Variants in ZC3H12A observed in about 807,000 individuals in gnomAD.
The protein encoded by ZC3H12A is endoribonuclease ZC3H12A.
A neutral mutation model predicts 29.9 loss-of-function variants in ZC3H12A; 9 were observed. The observed-to-expected ratio is 0.30, with a 90% confidence interval of 0.18 to 0.53. The LOEUF is 0.53. Among genes scored for constraint, ZC3H12A ranks in the 20% least tolerant of loss-of-function variants. The pLI is 0.96. For synonymous variants in ZC3H12A, 323 were observed against 338.1 expected, an observed-to-expected ratio of 0.96 and a Z score of 0.49; for missense variants, 617 against 799.0, an observed-to-expected ratio of 0.77 and a Z score of 2.75.
chr1:37,479,102 T>C lies in ZC3H12A; in HGVS notation c.444-1188T>C. The C allele has an allele frequency of 1.0e-6, 1 of 985,386 alleles. No individual in the cohort carries two copies. The allele number at this position is 985,386 out of a possible 1,614,324, so 61.0% of individuals were successfully genotyped here. A position where few individuals can be genotyped will look rare whatever the true frequency, so the allele number is the denominator to read the frequency against. On this transcript the variant is annotated intron_variant, in intron 2 of 5. Transcript: ENST00000373087. The surrounding 1 kb of genome is among the most constrained non-coding windows in gnomAD (Gnocchi z 4.5). ...GTGGTTGGCCCTGGACTTGCCTCTT[T>C]TGCGTAACATTTATTCTGTTTTATT...
At position 37,483,283 on chromosome 1, in the gene ZC3H12A, T is replaced by C. The variant is rs370043404; in HGVS notation, c.1472T>C (p.Met491Thr). ...GCCTTCTCTGCCTTTGGCCGGGCCA[T>C]GGGTGCTGGCCACTTCAGTGTCCCT... ...TAAFSAFGRA[M>T]GAGHFSVPAD... The change falls in exon 6 of 6, where the codon ATG (methionine) becomes ACG (threonine). Residue 491 changes from methionine to threonine, a missense_variant. Met to Thr is a moderately conservative substitution (Grantham distance 81, BLOSUM62 -1). This residue lies in a region of ZC3H12A where 172 missense variants were observed against 203.1 expected (regional missense o/e 0.85). Transcript: ENST00000373087. 5.0e-6 allele frequency: 8 copies of C among 1,614,028 alleles called. No homozygotes were observed. Among genetic ancestry groups the C allele is most frequent in the Middle Eastern group, 1.6e-4 (1 of 6,062 alleles).
At chr1:37,477,490 C>G (rs376769529) in intron 2 of ZC3H12A, among the ~76,000 whole-genome samples, 31 of 152,318 alleles carry the variant, frequency 2.0e-4, no homozygotes, top group African/African-American at 7.0e-4. Context: ...GCCACCCCCC[C>G]TCCCCAGGGG....
At position 37,482,628 on chromosome 1, in the gene ZC3H12A, A is replaced by C. The variant is rs1320807849; in HGVS notation, c.925+88A>C. On this transcript the variant is annotated intron_variant, in intron 5 of 5. Transcript: ENST00000373087. ...CCTGTGCCCTGTTTTCCTCTTGGGG[A>C]CCTCCACCATTGGACCACCCAACCC... The C allele has an allele frequency of 1.9e-6, 3 of 1,605,594 alleles. No homozygotes were observed. In the African/African-American group the frequency reaches 4.0e-5, roughly 22 times the overall value.
At position 37,478,792 on chromosome 1, in the gene ZC3H12A, G is replaced by T. The variant is rs1227958616; in HGVS notation, c.444-1498G>T. 2 of 961,076 alleles carry T rather than the reference G, an allele frequency of 2.1e-6. No homozygotes were observed. Among genetic ancestry groups the T allele is most frequent in the African/African-American group, 3.5e-5 (2 of 56,794 alleles). 59.5% of individuals were successfully genotyped at this position (961,076 alleles called of 1,614,324 possible). On this transcript the variant is annotated intron_variant, in intron 2 of 5. Coordinates refer to ENST00000373087, the MANE Select transcript of ZC3H12A (RefSeq NM_025079.3). The surrounding 1 kb of genome is among the most constrained non-coding windows in gnomAD (Gnocchi z 5.2). ...TCCTCACAAGCTTGCTGATGATTCA[G>T]TGTTAGACACTTATAACAGGGCCTG... is the stretch of plus-strand genomic sequence containing the variant.
Position 37,483,509 on chromosome 1 carries a change from G to T in ZC3H12A, c.1698G>T (p.Pro566=). 6.2e-7 allele frequency: 1 copy of T among 1,613,884 alleles called. No homozygotes were observed. Among genetic ancestry groups the T allele is most frequent in the South Asian group, 1.1e-5 (1 of 91,074 alleles). The change falls in exon 6 of 6, where the codon CCG becomes CCT. Residue 566 remains proline (P), a synonymous_variant. Coordinates refer to ENST00000373087, the MANE Select transcript of ZC3H12A (RefSeq NM_025079.3). ...VYTKLCGVFP[P]HLVEAVMGRF... ...CTAAGCTGTGTGGTGTGTTTCCCCC[G>T]CACCTGGTGGAGGCTGTGATGGGGC...
intron 5 of ZC3H12A, 28 bp downstream of exon 5, chr1:37,482,568 C>T: frequency 6.2e-7 from 1 of 1,612,304 alleles, no homozygotes. Flanking sequence ...CCCTCCCCGG[C>T]CCTCCTCACT....
In ZC3H12A at chr1:37,483,040, G is replaced by A. The variant is rs1429959347; in HGVS notation, c.1229G>A (p.Gly410Asp). Residue 410 changes from glycine (G) to aspartate (D), a missense_variant, in exon 6 of 6, where the codon GGC becomes GAC. By Grantham distance (94) the Gly-to-Asp change is moderately conservative (BLOSUM62 -1). Coordinates refer to ENST00000373087, the MANE Select transcript of ZC3H12A (RefSeq NM_025079.3). Reference sequence around the variant, plus strand: ...GGCAGGAGCCTCGCACCTAGCGGGGGCAGTGGCAGCAGCTTTGGGCCCACA... The same window carrying A: ...GGCAGGAGCCTCGCACCTAGCGGGGACAGTGGCAGCAGCTTTGGGCCCACA... ...PSGRSLAPSG[G>D]SGSSFGPTDW... 4.4e-6 allele frequency: 7 copies of A among 1,606,620 alleles called. No homozygotes were observed. The highest frequency in any genetic ancestry group is 1.1e-5 in the South Asian group (1 of 90,360).
intron 3 of ZC3H12A, 46 bp downstream of exon 3, chr1:37,480,475 C>A (rs923170394): frequency 4.4e-6 from 7 of 1,587,210 alleles, no homozygotes; most frequent in Non-Finnish European, 6.0e-6. Context: ...GCCCCAGCAG[C>A]CCTGGTTCTC....
At position 37,475,465 on chromosome 1, in the gene ZC3H12A, C is replaced by T. The variant is rs778956185; in HGVS notation, c.-32C>T. On this transcript the variant is annotated 5_prime_UTR_variant, in exon 2 of 6. Coordinates refer to ENST00000373087, the MANE Select transcript of ZC3H12A (RefSeq NM_025079.3). This position sits in a 1 kb window ranked among gnomAD's most constrained non-coding sequence, Gnocchi z 5.2. ...AACCCTGTTGGTTGTTCAGTAGGAG[C>T]TGTGGCGCGGGGCCTTCCAGGAGTC... 3.2e-6 allele frequency: 5 copies of T among 1,567,142 alleles called. No individual in the cohort carries two copies. The highest frequency in any genetic ancestry group is 4.5e-5 in the East Asian group (2 of 44,448).
rs1020907459 is a variant in ZC3H12A at position 37,483,534 on chromosome 1, C to T, written c.1723C>T (p.Arg575Cys). The T allele has an allele frequency of 6.8e-6, 11 of 1,613,548 alleles. No individual in the cohort carries two copies. The highest frequency in any genetic ancestry group is 6.7e-5 in the East Asian group (3 of 44,894). ...GCACCTGGTGGAGGCTGTGATGGGG[C>T]GCTTCCCACAGCTCCTGGACCCCCA... ...PPHLVEAVMG[R>C]FPQLLDPQQL... The change falls in exon 6 of 6, where the codon CGC becomes TGC. Residue 575 changes from arginine (R) to cysteine (C), a missense_variant. Arg to Cys is a radical substitution (Grantham distance 180, BLOSUM62 -3). Coordinates refer to ENST00000373087, the MANE Select transcript of ZC3H12A (RefSeq NM_025079.3).
In ZC3H12A at chr1:37,475,588, C is replaced by T. The variant is rs746832640; in HGVS notation, c.92C>T (p.Thr31Ile). The T allele has an allele frequency of 6.2e-7, 1 of 1,614,008 alleles. No individual in the cohort carries two copies. The highest frequency in any genetic ancestry group is 1.1e-5 in the South Asian group (1 of 91,088). ...GAGGACAGCCACAGCCGTCAGGGCA[C>T]CCCAAGGCCGGGTCAAGAGCTGGCC... ...EFEDSHSRQGTPRPGQELAAE... is the reference protein window; with the variant it reads ...EFEDSHSRQGIPRPGQELAAE... Residue 31 changes from threonine (T) to isoleucine (I), a missense_variant, in exon 2 of 6, where the codon ACC becomes ATC. Around this residue, in one of 5 missense-constraint regions of ZC3H12A, gnomAD observed 67 missense variants for 56.2 expected, o/e 1.19. Coordinates refer to ENST00000373087, the MANE Select transcript of ZC3H12A (RefSeq NM_025079.3). This position sits in a 1 kb window ranked among gnomAD's most constrained non-coding sequence, Gnocchi z 5.2.
In ZC3H12A at chr1:37,483,096, C is replaced by T. The variant is rs1265318195; in HGVS notation, c.1285C>T (p.Pro429Ser). 1 of 1,612,614 alleles carries T rather than the reference C, an allele frequency of 6.2e-7. No homozygotes were observed. The highest frequency in any genetic ancestry group is 1.3e-5 in the African/African-American group (1 of 74,926). The change falls in exon 6 of 6, where the codon CCG (proline) becomes TCG (serine). Residue 429 changes from proline to serine, a missense_variant. This residue lies in a region of ZC3H12A where 8 missense variants were observed against 24.8 expected (regional missense o/e 0.32). Coordinates refer to ENST00000373087, the MANE Select transcript of ZC3H12A (RefSeq NM_025079.3). Reference protein sequence around the residue: ...DWLPQTLDSLPYVSQDCLDSG... With the variant: ...DWLPQTLDSLSYVSQDCLDSG... ...GCTCCCACAGACGCTGGACTCACTC[C>T]CGTACGTCTCCCAGGATTGCCTGGA...
chr1:37,476,464 C>A lies in ZC3H12A; in HGVS notation c.443+525C>A, dbSNP rs982110549. 6.6e-6 allele frequency among the ~76,000 whole-genome samples: 1 copy of A among 152,218 alleles called. No homozygotes were observed. The highest frequency in any genetic ancestry group is 2.4e-5 in the African/African-American group (1 of 41,460). ...GCTCCCACGAAAACAGGTCCAGTGA[C>A]TGTGTCCAAGAGTGACCTCAAGGCT... On this transcript the variant is annotated intron_variant, in intron 2 of 5. Coordinates refer to ENST00000373087, the MANE Select transcript of ZC3H12A (RefSeq NM_025079.3). This position sits in a 1 kb window ranked among gnomAD's most constrained non-coding sequence, Gnocchi z 6.0.
chr1:37,475,840 C>T lies in ZC3H12A; in HGVS notation c.344C>T (p.Thr115Ile), dbSNP rs1433393204. Reference sequence around the variant, plus strand: ...CCTCTAGTCCCGCGGGGTGGTGGCACCCCTAAGGCTCCCAACCTGGAGCCT... The same window carrying T: ...CCTCTAGTCCCGCGGGGTGGTGGCATCCCTAAGGCTCCCAACCTGGAGCCT... Reference protein sequence around the residue: ...QLPLVPRGGGTPKAPNLEPPL... With the variant: ...QLPLVPRGGGIPKAPNLEPPL... The change falls in exon 2 of 6, where the codon ACC (threonine) becomes ATC (isoleucine). Residue 115 changes from threonine (T) to isoleucine (I), a missense_variant. This residue lies in a region of ZC3H12A where 255 missense variants were observed against 402.5 expected (regional missense o/e 0.63). Coordinates refer to ENST00000373087, the MANE Select transcript of ZC3H12A (RefSeq NM_025079.3). This position sits in a 1 kb window ranked among gnomAD's most constrained non-coding sequence, Gnocchi z 5.2. 6.3e-7 allele frequency: 1 copy of T among 1,596,012 alleles called. No individual in the cohort carries two copies. Among genetic ancestry groups the T allele is most frequent in the African/African-American group, 1.3e-5 (1 of 74,410 alleles).
intron 2 of ZC3H12A, among the ~76,000 whole-genome samples, chr1:37,477,244 C>G (rs1022293683): frequency 6.6e-6 from 1 of 152,222 alleles, no homozygotes; most frequent in Non-Finnish European, 1.5e-5. Flanking sequence ...ACTCCTTCCT[C>G]TGGAGGTATG....
rs1401342278 is a variant in ZC3H12A, at chr1:37,478,168, G to A, written c.444-2122G>A. 1.3e-5 allele frequency among the ~76,000 whole-genome samples: 2 copies of A among 152,156 alleles called. No individual in the cohort carries two copies. Among genetic ancestry groups the A allele is most frequent in the Admixed American group, 6.5e-5 (1 of 15,280 alleles). The stretch of plus-strand genomic sequence containing the variant: ...AGGCCAGAAGGCCCAAGGAAGGGGG[G>A]TGATGTGATGGGGGAAGCACTGGGC... On this transcript the variant is annotated intron_variant, in intron 2 of 5. Coordinates refer to ENST00000373087, the MANE Select transcript of ZC3H12A (RefSeq NM_025079.3). The surrounding 1 kb of genome is among the most constrained non-coding windows in gnomAD (Gnocchi z 5.2).
chr1:37,475,474 G>A lies in ZC3H12A; in HGVS notation c.-23G>A, dbSNP rs748326879. 18 of 1,577,290 alleles carry A rather than the reference G, an allele frequency of 1.1e-5. No homozygotes were observed. The highest frequency in any genetic ancestry group is 6.7e-5 in the East Asian group (3 of 44,494). On this transcript the variant is annotated 5_prime_UTR_variant, in exon 2 of 6. Transcript: ENST00000373087. This position sits in a 1 kb window ranked among gnomAD's most constrained non-coding sequence, Gnocchi z 5.2. The stretch of plus-strand genomic sequence containing the variant: ...GGTTGTTCAGTAGGAGCTGTGGCGC[G>A]GGGCCTTCCAGGAGTCTGAGCTATG...
intron 2 of ZC3H12A, 71 bp from the exon 3 acceptor site, chr1:37,480,216 CCCT>C (rs771696337): frequency 1.3e-6 from 2 of 1,555,266 alleles, no homozygotes; most frequent in South Asian, 1.2e-5. Context: ...GTGACCACCT[CCCT>C]CCTCCTGCTC....
intron 2 of ZC3H12A, chr1:37,480,042 C>T (rs1272988329): frequency 2.4e-6 from 3 of 1,232,802 alleles, no homozygotes; most frequent in Non-Finnish European, 3.1e-6. Flanking sequence ...GGGGCCTGGC[C>T]ATCCTGGAGC....
Sources: gnomAD v4.1 joint callset for allele counts (sites outside exome capture counted in the v4.1 genomes callset) on GRCh38, gnomAD v4.1.1 for gene constraint, gnomAD v4.1.1 regional missense constraint, Gnocchi (gnomAD v3.1) non-coding constraint, MANE v1.5 for transcripts, NCBI Gene and HGNC (gene_info 2026-07-23, HGNC 2026-07-21) for gene names.